The following HSPA14 variants were observed in gnomAD, a reference collection of about 807,000 sequenced individuals.
The protein encoded by HSPA14 is heat shock protein family A (Hsp70) member 14, also known as heat shock 70 kDa protein 14.
Under a neutral mutation model 65.5 loss-of-function variants are expected in HSPA14, and 37 were observed. The observed-to-expected ratio is 0.56, with a 90% CI of 0.43 to 0.74. The LOEUF (loss-of-function observed/expected upper bound fraction) is 0.74, where lower values mean the gene tolerates loss of function less well. Ranked by LOEUF, HSPA14 falls within the 30% of genes least tolerant of loss-of-function variation. HSPA14 has a pLI of 0.00. For synonymous variants in HSPA14, 203 were observed against 214.2 expected (o/e 0.95, Z 0.46); for missense variants, 564 against 607.6 (o/e 0.93, Z 0.75).
At chr10:14,840,038 T>C in intron 2 of HSPA14, 37 bp from the exon 3 acceptor site, 1 of 1,349,412 alleles carries the variant, frequency 7.4e-7, no homozygotes, top group South Asian at 1.4e-5. Flanking sequence ...TTACATACAT[T>C]GTAATATATA....
At chr10:14,847,145 C>A in intron 3 of HSPA14, 1 of 464,912 alleles carries the variant, frequency 2.2e-6, no homozygotes, top group Non-Finnish European at 2.8e-6. Context: ...GGAGAGCGGC[C>A]CTCTTTATAA....
chr10:14,845,325 C>T, intron 3 of HSPA14: 1 of 985,256 alleles, frequency 1.0e-6, no homozygotes, highest in Non-Finnish European at 1.2e-6. Context: ...AAAGAGTGGG[C>T]ATGTTGGGGG....
At chr10:14,840,872 G>A (rs1229154538) in intron 3 of HSPA14, among the ~76,000 whole-genome samples, 1 of 152,136 alleles carries the variant, frequency 6.6e-6, no homozygotes, top group South Asian at 2.1e-4. Context: ...AATTGGCAAC[G>A]CAAATACTAT....
At chr10:14,869,332 T>C (rs1432369982) in intron 12 of HSPA14, among the ~76,000 whole-genome samples, 2 of 151,766 alleles carry the variant, frequency 1.3e-5, no homozygotes, top group African/African-American at 4.8e-5. Context: ...CATCTTGCTC[T>C]GTCACCTAGG....
chr10:14,851,863 C>T (rs560699916), intron 7 of HSPA14, among the ~76,000 whole-genome samples: 2 of 152,100 alleles, frequency 1.3e-5, no homozygotes, highest in African/African-American at 2.4e-5. Context: ...CCTCATTATT[C>T]GTATCTCCTA....
chr10:14,848,564 T>C (rs780019332), intron 3 of HSPA14, 45 bp from the exon 4 acceptor site: 1 of 1,410,884 alleles, frequency 7.1e-7, no homozygotes, highest in South Asian at 1.2e-5. Flanking sequence ...ATATCTACAA[T>C]ACTGATTTTA....
chr10:14,848,359 G>A (rs1459625919), intron 3 of HSPA14, among the ~76,000 whole-genome samples: 2 of 152,142 alleles, frequency 1.3e-5, no homozygotes, highest in Admixed American at 1.3e-4. Flanking sequence ...TAATAGCACA[G>A]CCAGAACAAG....
chr10:14,866,207 T>A (rs1832805534), intron 10 of HSPA14, among the ~76,000 whole-genome samples: 2 of 152,220 alleles, frequency 1.3e-5, no homozygotes, highest in Admixed American at 6.5e-5. Context: ...CAAACAGATC[T>A]TTTGAAGATC....
intron 10 of HSPA14, among the ~76,000 whole-genome samples, chr10:14,856,908 TGAA>T (rs1317346271): frequency 2.0e-5 from 3 of 152,172 alleles, no homozygotes; most frequent in Non-Finnish European, 2.9e-5. Flanking sequence ...TTTTCATTAT[TGAA>T]GTAGTAAGTA....
rs1475505276 is a variant in HSPA14, at chr10:14,854,201, T to C, written c.811T>C (p.Ser271Pro). The C allele has an allele frequency of 6.2e-7, 1 of 1,613,814 alleles. No homozygotes were observed. Among genetic ancestry groups the C allele is most frequent in the South Asian group, 1.1e-5 (1 of 90,990 alleles). Residue 271 changes from serine to proline, a missense_variant, in exon 9 of 14, where the codon TCT (serine) becomes CCT (proline). Coordinates refer to ENST00000378372, the MANE Select transcript of HSPA14 (RefSeq NM_016299.4). ...GAACAGTGCTGAAGTAGCGAAACAT[T>C]CTTTGTCAACCTTGGGAAGTGCCAA... Reference protein sequence around the residue: ...LTNSAEVAKHSLSTLGSANCF... With the variant: ...LTNSAEVAKHPLSTLGSANCF...
At chr10:14,859,839 G>GTTAA in intron 10 of HSPA14, among the ~76,000 whole-genome samples, 2 of 152,250 alleles carry the variant, frequency 1.3e-5, no homozygotes, top group African/African-American at 4.8e-5. Flanking sequence ...TGTTAACATT[G>GTTAA]CAATTTTAAA....
Position 14,867,252 on chromosome 10 carries a change from ACT to A in HSPA14, c.1168_1169del (p.Leu390TyrfsTer12). The stretch of plus-strand genomic sequence containing the variant: ...GGGAAAGAAAACCTGTTGGTGGAAG[ACT>A]CTCTTATGATAGAGTGTTCAGCCAG... On this transcript the variant is annotated frameshift_variant, in exon 11 of 14. Transcript: ENST00000378372. LOFTEE classifies it high-confidence loss of function. 1 of 1,613,694 alleles carries A rather than the reference ACT, an allele frequency of 6.2e-7. No individual in the cohort carries two copies. The highest frequency in any genetic ancestry group is 8.5e-7 in the Non-Finnish European group (1 of 1,179,778).
intron 10 of HSPA14, among the ~76,000 whole-genome samples, chr10:14,857,016 A>G (rs764754850): frequency 6.6e-6 from 1 of 152,190 alleles, no homozygotes; most frequent in Non-Finnish European, 1.5e-5. Context: ...TAGTTTTGTG[A>G]GTTTTTTTAA....
rs779599589 is a variant in HSPA14, at chr10:14,867,114, C to G, written c.1025C>G (p.Pro342Arg). Residue 342 changes from proline to arginine, a missense_variant, in exon 11 of 14, where the codon CCA becomes CGA. Coordinates refer to ENST00000378372, the MANE Select transcript of HSPA14 (RefSeq NM_016299.4). ...VVLCGGSSRI[P>R]KLQQLIKDLF... ...CTTTGTGGAGGGTCTTCTCGAATCC[C>G]AAAGCTACAGCAACTGATTAAAGAT... 1 of 1,613,548 alleles carries G rather than the reference C, an allele frequency of 6.2e-7. No homozygotes were observed. Among genetic ancestry groups the G allele is most frequent in the East Asian group, 2.2e-5 (1 of 44,804 alleles).
At chr10:14,849,870 A>T in intron 6 of HSPA14, 59 bp downstream of exon 6, 1 of 997,250 alleles carries the variant, frequency 1.0e-6, no homozygotes, top group East Asian at 2.4e-5. Context: ...GTCACTATAT[A>T]GTAAAAGGTA....
intron 11 of HSPA14, 49 bp downstream of exon 11, chr10:14,867,344 A>G: frequency 7.8e-7 from 1 of 1,281,738 alleles, no homozygotes; most frequent in South Asian, 1.3e-5. Context: ...GCTTTTCTAT[A>G]CTTTACATAA....
At chr10:14,867,058 A>G in intron 10 of HSPA14, 25 bp from the exon 11 acceptor site, 3 of 1,540,278 alleles carry the variant, frequency 1.9e-6, no homozygotes, top group Non-Finnish European at 2.7e-6. Context: ...AAAGTAAACA[A>G]CTGAAAATTA....
In HSPA14 at chr10:14,870,607, A is replaced by G; in HGVS notation, c.1391A>G (p.Gln464Arg). Residue 464 changes from glutamine to arginine, a missense_variant, in exon 13 of 14, where the codon CAG becomes CGG. By Grantham distance (43) the Gln-to-Arg change is conservative (BLOSUM62 1). Transcript: ENST00000378372. ...TTCTTGTATAAACAGGTTGTACTCC[A>G]GGATTTAGATAAAAAAGAAAATGGA... ...EETKFAQVVL[Q>R]DLDKKENGLR... The G allele has an allele frequency of 3.2e-6, 5 of 1,584,772 alleles. No individual in the cohort carries two copies. Among genetic ancestry groups the G allele is most frequent in the Admixed American group, 3.5e-5 (2 of 57,866 alleles).
chr10:14,838,474 A>G lies in HSPA14; in HGVS notation c.57+15A>G. ...CCGTCTATAAGGTGAGGGGCTGCGG[A>G]GCTGGGCTAGGGCTTCATGACGGCC... is the stretch of plus-strand genomic sequence containing the variant. On this transcript the variant is annotated intron_variant, in intron 1 of 13. Transcript: ENST00000378372. The G allele has an allele frequency of 6.3e-7, 1 of 1,596,694 alleles. No individual in the cohort carries two copies. Among genetic ancestry groups the G allele is most frequent in the Non-Finnish European group, 8.5e-7 (1 of 1,174,038 alleles).
Sources: gnomAD v4.1 joint callset for allele counts (sites outside exome capture counted in the v4.1 genomes callset) on GRCh38, gnomAD v4.1.1 for gene constraint, MANE v1.5 for transcripts, NCBI Gene and HGNC (gene_info 2026-07-23, HGNC 2026-07-21) for gene names.